Variants in RAB28 observed in about 807,000 individuals in gnomAD.
RAB28 encodes the protein ras-related protein Rab-28.
In RAB28, 24 loss-of-function variants were observed where a neutral mutation model predicts 31.7. The observed-to-expected ratio is 0.76, with a 90% CI of 0.55 to 1.06. The LOEUF is 1.06. Ranked by LOEUF, RAB28 falls within the 50% of genes least tolerant of loss-of-function variation. The probability of loss-of-function intolerance (pLI) is 0.00; values close to 1 mark genes in which losing one functional copy is unlikely to be tolerated. For missense variants in RAB28, 254 were observed against 258.5 expected (o/e 0.98, Z 0.12); for synonymous variants, 100 against 90.4 (o/e 1.11, Z -0.60).
intron 4 of RAB28, among the ~76,000 whole-genome samples, chr4:13,394,791 GA>G (rs1233970495): frequency 5.3e-5 from 8 of 152,078 alleles, no homozygotes; most frequent in Non-Finnish European, 8.8e-5. Flanking sequence ...TTTGCATTTT[GA>G]AAAAATTACT....
intron 4 of RAB28, among the ~76,000 whole-genome samples, chr4:13,434,067 A>C (rs1241175140): frequency 6.6e-6 from 1 of 152,196 alleles, no homozygotes; most frequent in Non-Finnish European, 1.5e-5. Flanking sequence ...AGAAACAGAA[A>C]ACCAAATACC....
rs1728569330 is a variant in RAB28 at position 13,367,951 on chromosome 4, C to T, written c.*607G>A. 1 of 975,904 alleles carries T rather than the reference C, an allele frequency of 1.0e-6. No homozygotes were observed. Among genetic ancestry groups the T allele is most frequent in the South Asian group, 4.7e-5 (1 of 21,112 alleles). The allele number at this position is 975,904 out of a possible 1,614,324, so 60.5% of individuals were successfully genotyped here. A position where few individuals can be genotyped will look rare whatever the true frequency, so the allele number is the denominator to read the frequency against. On this transcript the variant is annotated 3_prime_UTR_variant, in exon 7 of 7. Transcript: ENST00000330852. Reference sequence around the variant, plus strand: ...AATAAAAATACAATATCAAATATTACTTTGTGAGTTACAAACTACAATATA... The same window carrying T: ...AATAAAAATACAATATCAAATATTATTTTGTGAGTTACAAACTACAATATA...
chr4:13,441,546 A>G (rs1042334771), intron 4 of RAB28, among the ~76,000 whole-genome samples: 1 of 152,176 alleles, frequency 6.6e-6, no homozygotes, highest in Non-Finnish European at 1.5e-5. Flanking sequence ...ATAAAAGCTT[A>G]TTTCACTATA....
At chr4:13,477,518 G>A (rs371529568) in intron 2 of RAB28, among the ~76,000 whole-genome samples, 1 of 151,232 alleles carries the variant, frequency 6.6e-6, no homozygotes, top group Non-Finnish European at 1.5e-5. Context: ...TATAAACCTT[G>A]TAATTTATTC....
chr4:13,418,274 T>A lies in RAB28; in HGVS notation c.392-36680A>T, dbSNP rs552436030. ...TATGTGAAAAGACCAAATCTACATTTGATTGGTGTACCTGAAAGTGATGGG... is the reference window on the plus strand; with the variant it reads ...TATGTGAAAAGACCAAATCTACATTAGATTGGTGTACCTGAAAGTGATGGG... On this transcript the variant is annotated intron_variant, in intron 4 of 6. Coordinates refer to ENST00000330852, the MANE Select transcript of RAB28 (RefSeq NM_001017979.3). 2.0e-5 allele frequency among the ~76,000 whole-genome samples: 3 copies of A among 152,314 alleles called. No homozygotes were observed. In the South Asian group the frequency reaches 6.2e-4, roughly 32 times the overall value.
intron 4 of RAB28, among the ~76,000 whole-genome samples, chr4:13,445,592 G>GT (rs1463134988): frequency 6.6e-6 from 1 of 151,986 alleles, no homozygotes; most frequent in Admixed American, 6.6e-5. Context: ...CTTTCCATTT[G>GT]TTTTTCTTCT....
chr4:13,466,106 C>G (rs549418399), intron 3 of RAB28, among the ~76,000 whole-genome samples: 1 of 151,984 alleles, frequency 6.6e-6, no homozygotes, highest in Admixed American at 6.6e-5. Flanking sequence ...AGAACAGAAA[C>G]TACAAAATTA....
At chr4:13,411,464 A>G (rs1297945151) in intron 4 of RAB28, among the ~76,000 whole-genome samples, 1 of 152,200 alleles carries the variant, frequency 6.6e-6, no homozygotes, top group Non-Finnish European at 1.5e-5. Context: ...CTTAATAACA[A>G]TCTGACAAGA....
rs546413943 is a variant in RAB28 at position 13,471,847 on chromosome 4, AGAG to A, written c.261+2468_261+2470del. 4.8e-3 allele frequency among the ~76,000 whole-genome samples: 731 copies of A among 152,224 alleles called. 5 individuals carry two copies. Among genetic ancestry groups the A allele is most frequent in the African/African-American group, 0.017 (701 of 41,546 alleles). On this transcript the variant is annotated intron_variant, in intron 3 of 6. Transcript: ENST00000330852. ...GTAAACGATAAAATGCACCACCAAA[AGAG>A]AAAGAAGTCGATATGTACCTTCAAG... is the stretch of plus-strand genomic sequence containing the variant.
rs1728595241 is a variant in RAB28 at position 13,368,491 on chromosome 4, T to C, written c.*67A>G. On this transcript the variant is annotated 3_prime_UTR_variant, in exon 7 of 7. Transcript: ENST00000330852. ...GATGGTCACTGATAAAACAAGTTCC[T>C]AGAAGTCCTCGGGCCCACCCAGAGG... The C allele has an allele frequency of 6.5e-7, 1 of 1,532,322 alleles. No homozygotes were observed. The highest frequency in any genetic ancestry group is 1.3e-5 in the South Asian group (1 of 79,064). The allele number at this position is 1,532,322 out of a possible 1,614,324, so 94.9% of individuals were successfully genotyped here. A position where few individuals can be genotyped will look rare whatever the true frequency, so the allele number is the denominator to read the frequency against.
intron 4 of RAB28, among the ~76,000 whole-genome samples, chr4:13,393,856 A>C (rs912568980): frequency 6.9e-4 from 45 of 65,088 alleles, no homozygotes; most frequent in African/African-American, 2.1e-3. Flanking sequence ...CACAGGCTAC[A>C]AAAAAAAAAA....
At chr4:13,426,904 T>C (rs947126872) in intron 4 of RAB28, among the ~76,000 whole-genome samples, 13 of 152,198 alleles carry the variant, frequency 8.5e-5, no homozygotes, top group Admixed American at 1.3e-4. Flanking sequence ...TCAGAGGATA[T>C]AACATGTACT....
At position 13,368,273 on chromosome 4, in the gene RAB28, C is replaced by A; in HGVS notation, c.*285G>T. 1 of 1,060,672 alleles carries A rather than the reference C, an allele frequency of 9.4e-7. No individual in the cohort carries two copies. The highest frequency in any genetic ancestry group is 1.1e-6 in the Non-Finnish European group (1 of 879,586). 65.7% of individuals were successfully genotyped at this position (1,060,672 alleles called of 1,614,324 possible). ...AAATTTACATCAATGAAAAAAGAAG[C>A]AAGGACATACAAAGAAACAACATCA... On this transcript the variant is annotated 3_prime_UTR_variant, in exon 7 of 7. Transcript: ENST00000330852.
intron 3 of RAB28, chr4:13,473,855 TAC>T (rs765143315): frequency 2.7e-6 from 1 of 371,526 alleles, no homozygotes; most frequent in South Asian, 2.0e-5. Context: ...TGATAGAAAA[TAC>T]AGACATGTCT....
At chr4:13,472,469 C>A (rs1716163945) in intron 3 of RAB28, among the ~76,000 whole-genome samples, 1 of 151,500 alleles carries the variant, frequency 6.6e-6, no homozygotes, top group South Asian at 2.1e-4. Context: ...AACACATGGG[C>A]ATAATACTCC....
At chr4:13,391,509 G>A (rs1341287704) in intron 4 of RAB28, among the ~76,000 whole-genome samples, 1 of 152,154 alleles carries the variant, frequency 6.6e-6, no homozygotes, top group Non-Finnish European at 1.5e-5. Flanking sequence ...ATTCCTCAAG[G>A]ATCTAGAACT....
At chr4:13,436,629 C>T (rs999208976) in intron 4 of RAB28, among the ~76,000 whole-genome samples, 2 of 151,976 alleles carry the variant, frequency 1.3e-5, no homozygotes, top group Non-Finnish European at 2.9e-5. Flanking sequence ...AAATAAAATA[C>T]CTGGGAATAC....
chr4:13,382,651 T>C (rs986077173), intron 4 of RAB28, among the ~76,000 whole-genome samples: 1 of 151,846 alleles, frequency 6.6e-6, no homozygotes, highest in Admixed American at 6.6e-5. Context: ...TAATGGGGTA[T>C]TCCTGAGCCC....
intron 4 of RAB28, among the ~76,000 whole-genome samples, chr4:13,447,682 C>A (rs1424754969): frequency 6.6e-6 from 1 of 151,998 alleles, no homozygotes; most frequent in African/African-American, 2.4e-5. Flanking sequence ...GTTTGCCTGG[C>A]AAATAGTGAG....
Sources: allele counts gnomAD v4.1 joint callset (sites outside exome capture counted in the v4.1 genomes callset), GRCh38; gene constraint gnomAD v4.1.1; transcripts MANE v1.5; gene names NCBI Gene and HGNC (gene_info 2026-07-23, HGNC 2026-07-21).